The following ITSN2 variants were observed in gnomAD, a reference collection of about 807,000 sequenced individuals.
ITSN2 encodes intersectin-2.
In ITSN2, 156 loss-of-function variants were observed where a neutral mutation model predicts 243.7. That is an observed-to-expected ratio of 0.64 (90% confidence interval 0.56 to 0.73). The LOEUF is 0.73. ITSN2 is among the 30% of genes least tolerant of loss of function. ITSN2 has a pLI of 0.00. For synonymous variants in ITSN2, 703 were observed against 699.9 expected, an observed-to-expected ratio of 1.00 and a Z score of -0.07; for missense variants, 1,801 against 1,996.1, an observed-to-expected ratio of 0.90 and a Z score of 1.86.
intron 36 of ITSN2, among the ~76,000 whole-genome samples, chr2:24,208,610 C>T (rs1229955397): frequency 6.6e-6 from 1 of 152,188 alleles, no homozygotes; most frequent in East Asian, 1.9e-4. Flanking sequence ...GGGGTTCTAG[C>T]GCACACAGAG....
rs1275035112 is a variant in ITSN2 at position 24,251,309 on chromosome 2, C to CAAAAAAAAAATAAAAAAAAAAAAA, written c.3120+1035_3120+1036insTTTTTTTTTTTTTATTTTTTTTTT. On this transcript the variant is annotated intron_variant, in intron 25 of 39. Coordinates refer to ENST00000355123, the MANE Select transcript of ITSN2 (RefSeq NM_006277.3). Reference sequence around the variant, plus strand: ...TGGGCAACAGAACTAAACTCCATCTCAAAAAAAAAAAAAAATAAAATATAT... The same window carrying CAAAAAAAAAATAAAAAAAAAAAAA: ...TGGGCAACAGAACTAAACTCCATCTCAAAAAAAAAATAAAAAAAAAAAAAAAAAAAAAAAAAAAATAAAATATAT... Among the ~76,000 whole-genome samples, 8 of 22,012 alleles carry CAAAAAAAAAATAAAAAAAAAAAAA rather than the reference C, an allele frequency of 3.6e-4. 4 individuals carry two copies. The highest frequency in any genetic ancestry group is 1.3e-3 in the Admixed American group (2 of 1,556). The allele number at this position is 22,012 out of a possible 152,430, so 14.4% of individuals were successfully genotyped here.
At chr2:24,208,362 C>CA in intron 36 of ITSN2, 43 bp from the exon 37 acceptor site, 1 of 1,473,574 alleles carries the variant, frequency 6.8e-7, no homozygotes, top group Non-Finnish European at 9.5e-7. Context: ...ATCCCACCCT[C>CA]ACAGGTCAGC....
intron 16 of ITSN2, 45 bp from the exon 17 acceptor site, chr2:24,284,888 A>ATTTTTTTTTTT (rs138100580): frequency 3.0e-6 from 1 of 338,018 alleles, no homozygotes; most frequent in African/African-American, 4.7e-5. Context: ...TACGTACAGA[A>ATTTTTTTTTTT]TTTTTTTTTT....
intron 15 of ITSN2, among the ~76,000 whole-genome samples, chr2:24,286,726 A>AC (rs2151562693): frequency 6.6e-6 from 1 of 152,286 alleles, no homozygotes; most frequent in African/African-American, 2.4e-5. Flanking sequence ...CACAGTTAAT[A>AC]CTCAATTAAT....
intron 4 of ITSN2, 108 bp downstream of exon 4, chr2:24,313,338 GTGCTGGCAGAAATA>G: frequency 4.2e-6 from 3 of 718,816 alleles, no homozygotes; most frequent in Non-Finnish European, 6.8e-6. Flanking sequence ...GACTCCCAAA[GTGCTGGCAGAAATA>G]TTCTTAATAA....
At chr2:24,228,897 G>A (rs1400862753) in intron 29 of ITSN2, among the ~76,000 whole-genome samples, 1 of 152,188 alleles carries the variant, frequency 6.6e-6, no homozygotes, top group African/African-American at 2.4e-5. Context: ...AGAAGTGTTG[G>A]AAGTAGTGGG....
chr2:24,238,358 G>A (rs996884548), intron 29 of ITSN2, among the ~76,000 whole-genome samples: 1 of 152,164 alleles, frequency 6.6e-6, no homozygotes, highest in African/African-American at 2.4e-5. Context: ...AGTTTCCGGA[G>A]ATGAGGAAAG....
chr2:24,311,421 G>T (rs1360647782), intron 5 of ITSN2, among the ~76,000 whole-genome samples: 1 of 152,086 alleles, frequency 6.6e-6, no homozygotes, highest in Non-Finnish European at 1.5e-5. Flanking sequence ...GCCCCGACTA[G>T]AATGAAGTGG....
chr2:24,261,106 C>G lies in ITSN2; in HGVS notation c.2682G>C (p.Gln894His), dbSNP rs777575598. 4 of 1,610,580 alleles carry G rather than the reference C, an allele frequency of 2.5e-6. No individual in the cohort carries two copies. Among genetic ancestry groups the G allele is most frequent in the Non-Finnish European group, 2.5e-6 (3 of 1,178,824 alleles). Residue 894 changes from glutamine to histidine, a missense_variant and splice_region_variant, in exon 22 of 40, where the codon CAG (glutamine) becomes CAC (histidine). Gln to His is a conservative substitution (Grantham distance 24, BLOSUM62 0). This residue lies in a region of ITSN2 where 928 missense variants were observed against 1,065.4 expected (regional missense o/e 0.87). Transcript: ENST00000355123. ...CCCACAAAAATAACAGACAACATAC[C>G]TGTCCATGAATAGGTGATACAGATC... is the stretch of plus-strand genomic sequence containing the variant. The part of the protein sequence containing the change: ...SPGSVSPIHG[Q>H]GQVVENLKAQ...
At chr2:24,251,708 C>T (rs1422771025) in intron 25 of ITSN2, among the ~76,000 whole-genome samples, 3 of 149,468 alleles carry the variant, frequency 2.0e-5, no homozygotes, top group South Asian at 2.1e-4. Flanking sequence ...ATGATAAATA[C>T]GGCTGTTTTT....
chr2:24,303,733 GGAGA>G (rs1324374645), intron 9 of ITSN2, 62 bp downstream of exon 9: 2 of 994,008 alleles, frequency 2.0e-6, no homozygotes, highest in African/African-American at 1.6e-5. Context: ...TTGTAATAGG[GGAGA>G]GAGAGTTTAA....
At chr2:24,227,573 T>C (rs557916900) in intron 29 of ITSN2, among the ~76,000 whole-genome samples, 2 of 152,146 alleles carry the variant, frequency 1.3e-5, no homozygotes, top group Non-Finnish European at 1.5e-5. Context: ...TCCTAGGAAT[T>C]AGTAAACCTA....
chr2:24,312,933 A>G (rs1683432944), intron 4 of ITSN2, among the ~76,000 whole-genome samples: 1 of 152,160 alleles, frequency 6.6e-6, no homozygotes. Flanking sequence ...ATTCTGCCAA[A>G]TTATAAGGAA....
At chr2:24,250,695 A>G (rs7563684) in intron 25 of ITSN2, among the ~76,000 whole-genome samples, 148,954 of 152,294 alleles carry the variant, frequency 0.98, 72,840 homozygotes, top group East Asian at 0.99. Context: ...CAACTAACCT[A>G]TAACGATTCA....
intron 20 of ITSN2, among the ~76,000 whole-genome samples, chr2:24,263,932 G>A (rs527789952): frequency 3.3e-5 from 5 of 152,268 alleles, no homozygotes; most frequent in African/African-American, 1.2e-4. Flanking sequence ...GAATGGCTGA[G>A]TCACATGGTA....
chr2:24,302,114 G>A lies in ITSN2; in HGVS notation c.858-12C>T, dbSNP rs751011788. 5 of 1,586,360 alleles carry A rather than the reference G, an allele frequency of 3.2e-6. No individual in the cohort carries two copies. Among genetic ancestry groups the A allele is most frequent in the Non-Finnish European group, 4.3e-6 (5 of 1,165,406 alleles). On this transcript the variant is annotated splice_polypyrimidine_tract_variant and intron_variant, in intron 9 of 39. Coordinates refer to ENST00000355123, the MANE Select transcript of ITSN2 (RefSeq NM_006277.3). ...CGTCAGCCAGAGTCCTAAAGAAAAT[G>A]TTAAAATTCACAACTTAATAAAGTC...
intron 1 of ITSN2, among the ~76,000 whole-genome samples, chr2:24,348,597 C>T (rs1275897338): frequency 6.6e-6 from 1 of 152,136 alleles, no homozygotes; most frequent in Non-Finnish European, 1.5e-5. Context: ...AGTCATGCTA[C>T]ATCCAGTGCT....
intron 1 of ITSN2, among the ~76,000 whole-genome samples, chr2:24,346,822 A>G (rs970077285): frequency 9.9e-5 from 15 of 151,866 alleles, no homozygotes; most frequent in Non-Finnish European, 1.9e-4. Flanking sequence ...CACATTCATT[A>G]AAAACAAAAT....
In ITSN2 at chr2:24,316,569, C is replaced by T. The variant is rs371994415; in HGVS notation, c.32-1345G>A. 2.5e-4 allele frequency among the ~76,000 whole-genome samples: 38 copies of T among 152,340 alleles called. No homozygotes were observed. The East Asian group carries it at 2.9e-3, about 12-fold the overall frequency. ...GTGCTGGGATTACAGGCGTAAGCCACCACGCCCAGACAGTTTTTAAATAAG... is the reference window on the plus strand; with the variant it reads ...GTGCTGGGATTACAGGCGTAAGCCATCACGCCCAGACAGTTTTTAAATAAG... On this transcript the variant is annotated intron_variant, in intron 2 of 39. Coordinates refer to ENST00000355123, the MANE Select transcript of ITSN2 (RefSeq NM_006277.3).
Sources: allele counts gnomAD v4.1 joint callset (sites outside exome capture counted in the v4.1 genomes callset), GRCh38; gene constraint gnomAD v4.1.1; regional missense constraint gnomAD v4.1.1; transcripts MANE v1.5; gene names NCBI Gene and HGNC (gene_info 2026-07-23, HGNC 2026-07-21).